The following TP63 variants were observed in gnomAD, a reference collection of about 807,000 sequenced individuals.
The protein encoded by TP63 is tumor protein 63.
A neutral mutation model predicts 82.8 loss-of-function variants in TP63; 17 were observed. The observed-to-expected ratio is 0.21, with a 90% confidence interval of 0.14 to 0.31. TP63 has a LOEUF of 0.31. Among genes scored for constraint, TP63 ranks in the 10% least tolerant of loss-of-function variants. TP63 has a pLI of 1.00. For missense variants in TP63, 648 were observed against 895.3 expected, an observed-to-expected ratio of 0.72 and a Z score of 3.52; for synonymous variants, 330 against 321.7, an observed-to-expected ratio of 1.03 and a Z score of -0.28.
At chr3:189,740,312 C>T (rs1402406031) in intron 3 of TP63, among the ~76,000 whole-genome samples, 2 of 152,082 alleles carry the variant, frequency 1.3e-5, no homozygotes, top group Admixed American at 1.3e-4. Context: ...TCCCAATTTT[C>T]ATAAAAATAT....
chr3:189,677,341 T>TAAATATATATAAATAATTATATATAA (rs1393416133), intron 1 of TP63, among the ~76,000 whole-genome samples: 5 of 141,732 alleles, frequency 3.5e-5, no homozygotes, highest in East Asian at 2.0e-4. Context: ...TTTATATATA[T>TAAATATATATAAATAATTATATATAA]AAATATATAT....
chr3:189,758,447 G>A (rs142385080), intron 3 of TP63, among the ~76,000 whole-genome samples: 4 of 152,248 alleles, frequency 2.6e-5, no homozygotes, highest in African/African-American at 9.6e-5. Flanking sequence ...TGCACATGTC[G>A]ACAGCCCACC....
At chr3:189,742,093 A>T (rs1302421709) in intron 3 of TP63, among the ~76,000 whole-genome samples, 1 of 151,920 alleles carries the variant, frequency 6.6e-6, no homozygotes, top group Non-Finnish European at 1.5e-5. Flanking sequence ...AAATACAAAA[A>T]TTAGCTGAGC....
At chr3:189,620,074 G>A in the TP63 span, among the ~76,000 whole-genome samples, 1 of 152,212 alleles carries the variant, frequency 6.6e-6, no homozygotes, top group Non-Finnish European at 1.5e-5. Context: ...GCACTTCAGA[G>A]TGTAAGAAAA....
chr3:189,661,219 C>T (rs190488802), intron 1 of TP63, among the ~76,000 whole-genome samples: 1 of 151,820 alleles, frequency 6.6e-6, no homozygotes, highest in East Asian at 1.9e-4. Flanking sequence ...TGCCGTAGAT[C>T]ACTCTTATTA....
At chr3:189,867,742 A>G (rs1254849892) in intron 6 of TP63, 91 bp from the exon 7 acceptor site, 4 of 1,152,922 alleles carry the variant, frequency 3.5e-6, no homozygotes, top group Non-Finnish European at 5.1e-6. Context: ...CTTCATCAGA[A>G]GTGGAATTCC....
chr3:189,612,850 C>G, the TP63 span, among the ~76,000 whole-genome samples: 7 of 152,142 alleles, frequency 4.6e-5, no homozygotes, highest in African/African-American at 1.7e-4. Flanking sequence ...AGACTGGTGG[C>G]ATTTTGCCCT....
At chr3:189,727,195 C>T (rs115478861) in intron 1 of TP63, among the ~76,000 whole-genome samples, 91 of 152,348 alleles carry the variant, frequency 6.0e-4, no homozygotes, top group African/African-American at 2.2e-3. Context: ...AACCCAATCA[C>T]TTACATGTAT....
At chr3:189,833,680 T>C (rs77624199) in intron 4 of TP63, among the ~76,000 whole-genome samples, 3 of 15,366 alleles carry the variant, frequency 2.0e-4, no homozygotes, top group Non-Finnish European at 2.0e-4. Flanking sequence ...CTCTCTCTCT[T>C]TTTTTTTTTT....
intron 3 of TP63, among the ~76,000 whole-genome samples, chr3:189,769,736 A>G (rs1030879592): frequency 2.6e-5 from 4 of 152,208 alleles, no homozygotes; most frequent in African/African-American, 9.6e-5. Flanking sequence ...ATTGTAGGCA[A>G]TTATGTTGCT....
At chr3:189,802,202 C>T (rs1258089541) in intron 3 of TP63, among the ~76,000 whole-genome samples, 7 of 152,146 alleles carry the variant, frequency 4.6e-5, no homozygotes, top group African/African-American at 1.7e-4. Flanking sequence ...GTAGTACTCT[C>T]TGCTAAAGCA....
At chr3:189,760,572 T>C in intron 3 of TP63, among the ~76,000 whole-genome samples, 1 of 152,142 alleles carries the variant, frequency 6.6e-6, no homozygotes, top group Non-Finnish European at 1.5e-5. Flanking sequence ...TTTTGCAGGG[T>C]ATAGCTTCCC....
chr3:189,730,210 T>C (rs1273038846), intron 1 of TP63, among the ~76,000 whole-genome samples: 1 of 152,182 alleles, frequency 6.6e-6, no homozygotes, highest in Non-Finnish European at 1.5e-5. Context: ...GGGCTCAAGT[T>C]TCCTTGAGCA....
intron 4 of TP63, among the ~76,000 whole-genome samples, chr3:189,845,863 A>G (rs1714793338): frequency 6.6e-6 from 1 of 151,540 alleles, no homozygotes; most frequent in African/African-American, 2.4e-5. Context: ...TGAGATTTGC[A>G]TGTAGTATGG....
chr3:189,771,327 T>TATATAATATATTATATATATAA (rs1553835381), intron 3 of TP63, among the ~76,000 whole-genome samples: 4 of 131,722 alleles, frequency 3.0e-5, no homozygotes, highest in African/African-American at 1.3e-4. Context: ...TATATATTTA[T>TATATAATATATTATATATATAA]ATATAATATA....
chr3:189,767,675 G>C (rs1723050393), intron 3 of TP63, among the ~76,000 whole-genome samples: 1 of 152,188 alleles, frequency 6.6e-6, no homozygotes, highest in Non-Finnish European at 1.5e-5. Context: ...AAAACCGTGA[G>C]TCTCAAGTTT....
chr3:189,837,853 G>T (rs1421825820), intron 4 of TP63, among the ~76,000 whole-genome samples: 1 of 151,944 alleles, frequency 6.6e-6, no homozygotes, highest in African/African-American at 2.4e-5. Context: ...TGGAACTCCT[G>T]GGCTTAAGCA....
intron 3 of TP63, among the ~76,000 whole-genome samples, chr3:189,764,229 A>G (rs1180385430): frequency 1.3e-5 from 2 of 152,190 alleles, no homozygotes; most frequent in Admixed American, 6.5e-5. Flanking sequence ...ACTACATGCT[A>G]TTTCTTGGAG....
intron 4 of TP63, among the ~76,000 whole-genome samples, chr3:189,852,191 GTC>G: frequency 6.6e-6 from 1 of 152,282 alleles, no homozygotes; most frequent in African/African-American, 2.4e-5. Context: ...TTGGACAAGA[GTC>G]TGTTTTCTGT....
Sources: allele counts gnomAD v4.1 joint callset (sites outside exome capture counted in the v4.1 genomes callset), GRCh38; gene constraint gnomAD v4.1.1; transcripts MANE v1.5; gene names NCBI Gene and HGNC (gene_info 2026-07-23, HGNC 2026-07-21).